Variants in BCKDHB observed in about 807,000 individuals in gnomAD.
BCKDHB encodes the protein branched chain keto acid dehydrogenase E1 subunit beta, also known as 2-oxoisovalerate dehydrogenase subunit beta, mitochondrial.
BCKDHB carries 41 observed loss-of-function variants against 48.5 expected under a neutral mutation model. That is an observed-to-expected ratio of 0.85 (90% CI 0.66 to 1.10). The LOEUF is 1.10. Ranked by LOEUF, BCKDHB falls within the 50% of genes least tolerant of loss-of-function variation. BCKDHB has a pLI of 0.00. For missense variants in BCKDHB, 496 were observed against 494.2 expected (o/e 1.00, Z -0.03); for synonymous variants, 201 against 174.8 (o/e 1.15, Z -1.18).
intron 9 of BCKDHB, among the ~76,000 whole-genome samples, chr6:80,274,373 T>C (rs1777882878): frequency 6.6e-6 from 1 of 151,998 alleles, no homozygotes; most frequent in African/African-American, 2.4e-5. Flanking sequence ...TCCTAGTTAC[T>C]ATATCAATTA....
intron 3 of BCKDHB, among the ~76,000 whole-genome samples, chr6:80,154,915 A>T (rs1306536768): frequency 6.6e-6 from 1 of 152,126 alleles, no homozygotes; most frequent in East Asian, 1.9e-4. Flanking sequence ...GCACCTTGTT[A>T]CCAGTAACAT....
In BCKDHB at chr6:80,165,874, TTTGA is replaced by T. The variant is rs1477208958; in HGVS notation, c.344-1802_344-1799del. 2.0e-5 allele frequency among the ~76,000 whole-genome samples: 3 copies of T among 152,272 alleles called. No individual in the cohort carries two copies. The East Asian group carries it at 5.8e-4, about 29-fold the overall frequency. On this transcript the variant is annotated intron_variant, in intron 3 of 9. Coordinates refer to ENST00000320393, the MANE Select transcript of BCKDHB (RefSeq NM_183050.4). ...CTGTGGGCACAAGTGTTGGCAAGGA[TTTGA>T]TCAGTTTTTGCACAGATTTTGGGGC...
intron 1 of BCKDHB, among the ~76,000 whole-genome samples, chr6:80,112,128 A>C (rs1338701719): frequency 2.0e-5 from 3 of 152,232 alleles, no homozygotes; most frequent in Admixed American, 1.3e-4. Context: ...TGATAGACAC[A>C]ACATATAACA....
Position 80,322,913 on chromosome 6 carries a change from T to G in BCKDHB, c.1039-20751T>G, listed in dbSNP as rs79900018. 7.8e-3 allele frequency among the ~76,000 whole-genome samples: 983 copies of G among 126,036 alleles called. 5 individuals are homozygous for G. The highest frequency in any genetic ancestry group is 0.029 in the South Asian group (117 of 4,012). 82.7% of individuals were successfully genotyped at this position (126,036 alleles called of 152,430 possible). ...TCTTTTTTCTTTTTTTTTTTTTTTT[T>G]GCATACAGCAGAGAATGCCTGTGGG... On this transcript the variant is annotated intron_variant, in intron 9 of 9. Transcript: ENST00000320393.
At chr6:80,457,301 A>G in the BCKDHB span, among the ~76,000 whole-genome samples, 4 of 152,164 alleles carry the variant, frequency 2.6e-5, no homozygotes, top group African/African-American at 9.7e-5. Context: ...CTTTCTTTAG[A>G]GGCAAGTCCC....
intron 9 of BCKDHB, among the ~76,000 whole-genome samples, chr6:80,299,424 T>C (rs1767434778): frequency 6.6e-6 from 1 of 152,086 alleles, no homozygotes; most frequent in South Asian, 2.1e-4. Context: ...TTCCTCAGTA[T>C]TTTTCCATCT....
chr6:80,115,632 C>T (rs1424253055), intron 1 of BCKDHB, among the ~76,000 whole-genome samples: 1 of 150,760 alleles, frequency 6.6e-6, no homozygotes, highest in African/African-American at 2.5e-5. Flanking sequence ...GCGATAAATG[C>T]TGGGGTTTCT....
intron 9 of BCKDHB, among the ~76,000 whole-genome samples, chr6:80,321,912 T>C (rs931950155): frequency 6.6e-6 from 1 of 152,178 alleles, no homozygotes; most frequent in African/African-American, 2.4e-5. Flanking sequence ...ACTTCATATA[T>C]GTATTGTAGT....
chr6:80,128,153 T>C (rs1770438909), intron 2 of BCKDHB, among the ~76,000 whole-genome samples: 1 of 151,902 alleles, frequency 6.6e-6, no homozygotes, highest in Non-Finnish European at 1.5e-5. Flanking sequence ...TATATGTATA[T>C]ACATATATAT....
At chr6:80,250,898 T>C (rs1776812237) in intron 8 of BCKDHB, among the ~76,000 whole-genome samples, 1 of 152,200 alleles carries the variant, frequency 6.6e-6, no homozygotes, top group Non-Finnish European at 1.5e-5. Context: ...AATGTAATTA[T>C]GATATAAAGT....
chr6:80,446,371 G>T, the BCKDHB span, among the ~76,000 whole-genome samples: 2 of 152,216 alleles, frequency 1.3e-5, no homozygotes, highest in Non-Finnish European at 2.9e-5. Flanking sequence ...GACTGCTCCA[G>T]CACATCCCTT....
At chr6:80,193,036 G>T (rs1391894845) in intron 6 of BCKDHB, among the ~76,000 whole-genome samples, 1 of 151,904 alleles carries the variant, frequency 6.6e-6, no homozygotes, top group Non-Finnish European at 1.5e-5. Flanking sequence ...GCCCAGGCTG[G>T]TCTCGAACTC....
the BCKDHB span, among the ~76,000 whole-genome samples, chr6:80,447,723 TG>T: frequency 1.3e-4 from 20 of 151,876 alleles, no homozygotes; most frequent in Non-Finnish European, 2.8e-4. Context: ...TTTTTGGGAG[TG>T]GGGGAAGTCT....
intron 6 of BCKDHB, among the ~76,000 whole-genome samples, chr6:80,174,559 A>G (rs750339306): frequency 3.3e-5 from 5 of 152,170 alleles, no homozygotes; most frequent in African/African-American, 4.8e-5. Flanking sequence ...AAATTTGCGT[A>G]TAAGTGGACC....
chr6:80,267,300 C>T (rs1777553623), intron 8 of BCKDHB, among the ~76,000 whole-genome samples: 2 of 152,066 alleles, frequency 1.3e-5, no homozygotes, highest in Non-Finnish European at 1.5e-5. Context: ...GTACTTGATT[C>T]TTGCCCTTGT....
the BCKDHB span, among the ~76,000 whole-genome samples, chr6:80,428,334 G>A: frequency 2.6e-5 from 4 of 152,084 alleles, no homozygotes; most frequent in South Asian, 4.1e-4. Flanking sequence ...GTAAACATAC[G>A]TGTGCATGTG....
chr6:80,299,833 G>GA (rs1488805949), intron 9 of BCKDHB, among the ~76,000 whole-genome samples: 1 of 152,124 alleles, frequency 6.6e-6, no homozygotes, highest in Non-Finnish European at 1.5e-5. Flanking sequence ...ACAACATGGG[G>GA]AAAAGGTTAA....
intron 6 of BCKDHB, among the ~76,000 whole-genome samples, chr6:80,182,457 C>G (rs751937564): frequency 6.6e-6 from 1 of 152,164 alleles, no homozygotes; most frequent in Admixed American, 6.6e-5. Context: ...TTTACATTCT[C>G]AATGACTAAG....
intron 9 of BCKDHB, among the ~76,000 whole-genome samples, chr6:80,342,736 C>T (rs1769981400): frequency 6.6e-6 from 1 of 152,046 alleles, no homozygotes; most frequent in Admixed American, 6.6e-5. Context: ...TTGCAGTGAG[C>T]CGTGTTTGCA....
Sources: gnomAD v4.1 joint callset for allele counts (sites outside exome capture counted in the v4.1 genomes callset) on GRCh38, gnomAD v4.1.1 for gene constraint, MANE v1.5 for transcripts, NCBI Gene and HGNC (gene_info 2026-07-23, HGNC 2026-07-21) for gene names.